Variants in RNLS observed in about 807,000 individuals in gnomAD.
RNLS encodes the protein renalase, FAD dependent amine oxidase, also known as renalase.
Under a neutral mutation model 39.8 loss-of-function variants are expected in RNLS, and 39 were observed. That is an observed-to-expected ratio of 0.98 (90% CI 0.76 to 1.28). The LOEUF is 1.28. Ranked by LOEUF, RNLS falls within the 50% of genes most tolerant of loss-of-function variation. The pLI is 0.00. For synonymous variants in RNLS, 147 were observed against 150.7 expected (o/e 0.98, Z 0.18); for missense variants, 410 against 413.3 (o/e 0.99, Z 0.07).
chr10:88,535,804 G>A (rs186905169), intron 4 of RNLS, among the ~76,000 whole-genome samples: 149 of 152,190 alleles, frequency 9.8e-4, no homozygotes, highest in Middle Eastern at 3.4e-3. Context: ...ACCACAGCTA[G>A]GATTCTAGGG....
At chr10:88,296,806 G>T (rs1844127389) in intron 6 of RNLS, among the ~76,000 whole-genome samples, 1 of 152,046 alleles carries the variant, frequency 6.6e-6, no homozygotes. Flanking sequence ...TTTCCCTTAT[G>T]CCCCACTGCA....
the RNLS span, among the ~76,000 whole-genome samples, chr10:88,180,489 A>G: frequency 6.6e-6 from 1 of 152,192 alleles, no homozygotes; most frequent in African/African-American, 2.4e-5. Flanking sequence ...TTACAGAAAC[A>G]GTTTTTGGTG....
intron 4 of RNLS, among the ~76,000 whole-genome samples, chr10:88,552,803 A>C (rs1487239067): frequency 6.6e-6 from 1 of 152,176 alleles, no homozygotes; most frequent in African/African-American, 2.4e-5. Context: ...ATATGGAAAA[A>C]ATCTACATGA....
At chr10:88,368,123 T>G (rs1315977452) in intron 4 of RNLS, among the ~76,000 whole-genome samples, 1 of 152,008 alleles carries the variant, frequency 6.6e-6, no homozygotes, top group Non-Finnish European at 1.5e-5. Flanking sequence ...CCTGAAAACT[T>G]TATTAGTTTA....
At chr10:88,172,839 GTTGTTTTTTTTTT>G in the RNLS span, among the ~76,000 whole-genome samples, 1 of 31,504 alleles carries the variant, frequency 3.2e-5, no homozygotes, top group Non-Finnish European at 6.6e-5. Flanking sequence ...TGCATTTTGA[GTTGTTTTTTTTTT>G]TTTTTTTTTT....
At chr10:88,469,830 T>C (rs918567467) in intron 4 of RNLS, among the ~76,000 whole-genome samples, 5 of 128,410 alleles carry the variant, frequency 3.9e-5, no homozygotes, top group Admixed American at 2.7e-4. Flanking sequence ...TGCGTGTGTG[T>C]GTGTGTGTGT....
At chr10:88,310,801 C>CAAAAAAAAAA (rs577838661) in intron 6 of RNLS, among the ~76,000 whole-genome samples, 72 of 19,556 alleles carry the variant, frequency 3.7e-3, no homozygotes, top group Middle Eastern at 0.045. Flanking sequence ...CTACCTCTGC[C>CAAAAAAAAAA]AAAAAAAAAA....
chr10:88,541,904 T>C (rs1323244995), intron 4 of RNLS, among the ~76,000 whole-genome samples: 2 of 152,020 alleles, frequency 1.3e-5, no homozygotes, highest in African/African-American at 4.8e-5. Context: ...GCATAGGGCA[T>C]GAGGAACTAG....
chr10:88,188,343 CA>C, the RNLS span, among the ~76,000 whole-genome samples: 5 of 152,216 alleles, frequency 3.3e-5, no homozygotes, highest in African/African-American at 1.2e-4. Flanking sequence ...AGGCATGAGC[CA>C]CCACACCTGA....
At chr10:88,176,391 G>C in the RNLS span, among the ~76,000 whole-genome samples, 3 of 152,068 alleles carry the variant, frequency 2.0e-5, no homozygotes, top group Non-Finnish European at 4.4e-5. Flanking sequence ...GGCCAGCATG[G>C]TCTTGATCTT....
rs80230329 is a variant in RNLS, at chr10:88,284,239, T to C, written c.*1115A>G. ...GTATGTGTATGTATGACAGTGGACATGTAAGTGTGAAACTTTAAACACTAT... is the reference window on the plus strand; with the variant it reads ...GTATGTGTATGTATGACAGTGGACACGTAAGTGTGAAACTTTAAACACTAT... On this transcript the variant is annotated 3_prime_UTR_variant, in exon 7 of 7. Transcript: ENST00000331772. 1.1e-3 allele frequency: 1,105 copies of C among 985,412 alleles called. 8 individuals are homozygous for C. In the African/African-American group the frequency reaches 0.017, roughly 15 times the overall value. 61.0% of individuals were successfully genotyped at this position (985,412 alleles called of 1,614,324 possible). A position where few individuals can be genotyped will look rare whatever the true frequency, so the allele number is the denominator to read the frequency against.
At chr10:88,228,760 C>A in the RNLS span, among the ~76,000 whole-genome samples, 3 of 152,160 alleles carry the variant, frequency 2.0e-5, no homozygotes, top group African/African-American at 4.8e-5. Flanking sequence ...GGTTTCTTGG[C>A]GGAATTTGAT....
chr10:88,507,028 C>T (rs745759248), intron 4 of RNLS, among the ~76,000 whole-genome samples: 2 of 152,074 alleles, frequency 1.3e-5, no homozygotes, highest in Non-Finnish European at 1.5e-5. Flanking sequence ...GAGTCAATAA[C>T]ATCATCAACC....
chr10:88,197,643 A>G, the RNLS span, among the ~76,000 whole-genome samples: 1 of 152,242 alleles, frequency 6.6e-6, no homozygotes, highest in South Asian at 2.1e-4. Context: ...CCTCAAATTC[A>G]TGTTAAAACC....
rs540816853 is a variant in RNLS, at chr10:88,512,513, C to T, written c.526+60390G>A. Among the ~76,000 whole-genome samples, 197 of 152,222 alleles carry T rather than the reference C, an allele frequency of 1.3e-3. 2 individuals are homozygous for T. The highest frequency in any genetic ancestry group is 2.5e-3 in the African/African-American group (105 of 41,564). On this transcript the variant is annotated intron_variant, in intron 4 of 6. Transcript: ENST00000331772. ...CATTAAGCCAGTTGCCCAAACTTGT[C>T]GTTTTTTTATGCCTGCCTATCCTTC... is the stretch of plus-strand genomic sequence containing the variant.
chr10:88,217,159 C>T, the RNLS span, among the ~76,000 whole-genome samples: 1 of 152,140 alleles, frequency 6.6e-6, no homozygotes, highest in Non-Finnish European at 1.5e-5. Context: ...TATTGTGCTA[C>T]ACCCTGCTGG....
chr10:88,493,209 T>A (rs968683008), intron 4 of RNLS, among the ~76,000 whole-genome samples: 1 of 152,162 alleles, frequency 6.6e-6, no homozygotes, highest in African/African-American at 2.4e-5. Flanking sequence ...AAATGGATAA[T>A]AAATGAATAT....
intron 5 of RNLS, among the ~76,000 whole-genome samples, chr10:88,355,146 G>T (rs555197608): frequency 4.5e-4 from 68 of 152,058 alleles, no homozygotes; most frequent in Middle Eastern, 6.8e-3. Flanking sequence ...TAACTTCTTC[G>T]CCATGGGTTA....
chr10:88,518,248 T>C (rs1846516989), intron 4 of RNLS, among the ~76,000 whole-genome samples: 1 of 151,912 alleles, frequency 6.6e-6, no homozygotes, highest in Non-Finnish European at 1.5e-5. Flanking sequence ...CCCATAACAG[T>C]AAGTAGCATG....
Sources: allele counts gnomAD v4.1 joint callset (sites outside exome capture counted in the v4.1 genomes callset), GRCh38; gene constraint gnomAD v4.1.1; transcripts MANE v1.5; gene names NCBI Gene and HGNC (gene_info 2026-07-23, HGNC 2026-07-21).